Variants in DAZL observed in about 807,000 individuals in gnomAD.
The protein encoded by DAZL is deleted in azoospermia-like.
In DAZL, 4 loss-of-function variants were observed where a neutral mutation model predicts 45.0. The observed-to-expected ratio is 0.09, with a 90% CI of 0.04 to 0.20. The LOEUF (loss-of-function observed/expected upper bound fraction) is 0.20, where lower values mean the gene tolerates loss of function less well. DAZL is among the 10% of genes least tolerant of loss of function. The pLI is 1.00. For missense variants in DAZL, 326 were observed against 351.3 expected (o/e 0.93, Z 0.58); for synonymous variants, 122 against 112.4 (o/e 1.09, Z -0.54).
At chr3:16,597,968 A>T in intron 3 of DAZL, 119 bp downstream of exon 3, 1 of 1,110,546 alleles carries the variant, frequency 9.0e-7, no homozygotes, top group Non-Finnish European at 1.3e-6. Flanking sequence ...TTTATCCTCT[A>T]CATGAAAGAA....
rs376818653 is a variant in DAZL, at chr3:16,598,425, G to A, written c.150+27C>T. ...TCCCATTATTCATAATGCATTTCAAGGTAAAAATGAGGTATGAATACAATA... is the reference window on the plus strand; with the variant it reads ...TCCCATTATTCATAATGCATTTCAAAGTAAAAATGAGGTATGAATACAATA... On this transcript the variant is annotated intron_variant, in intron 2 of 10. Coordinates refer to ENST00000399444, the MANE Select transcript of DAZL (RefSeq NM_001351.4). The A allele has an allele frequency of 6.1e-5, 97 of 1,602,344 alleles. No individual in the cohort carries two copies. The African/African-American group carries it at 1.2e-3, about 20-fold the overall frequency.
chr3:16,597,623 A>C, intron 3 of DAZL, 82 bp from the exon 4 acceptor site: 1 of 853,180 alleles, frequency 1.2e-6, no homozygotes, highest in Non-Finnish European at 2.0e-6. Flanking sequence ...GGAAGTGATC[A>C]TGACTAAAAT....
intron 7 of DAZL, among the ~76,000 whole-genome samples, chr3:16,595,098 T>C (rs1451162579): frequency 6.6e-6 from 1 of 152,108 alleles, no homozygotes; most frequent in African/African-American, 2.4e-5. Context: ...CATAAAACTG[T>C]TGTAGAGAAA....
In DAZL at chr3:16,590,745, G is replaced by GA. The variant is rs577819637; in HGVS notation, c.834+1304dup. On this transcript the variant is annotated intron_variant, in intron 10 of 10. Transcript: ENST00000399444. Reference sequence around the variant, plus strand: ...GAACCTTGAAAATATTATGCTGACTGAAAAAACCGGTCACAAAAGGCCACA... The same window carrying GA: ...GAACCTTGAAAATATTATGCTGACTGAAAAAAACCGGTCACAAAAGGCCACA... Among the ~76,000 whole-genome samples the GA allele has an allele frequency of 7.2e-5, 11 of 152,258 alleles. 1 individual carries two copies. The East Asian group carries it at 1.2e-3, about 16-fold the overall frequency.
Position 16,593,684 on chromosome 3 carries a change from T to C in DAZL, c.706A>G (p.Thr236Ala). ...VPNECSVHEA[T>A]PPSGNGPQKK... ...TGTGGGCCATTTCCAGAGGGTGGAG[T>C]AGCTTCATGAACTGAACATTCATTT... Residue 236 changes from threonine to alanine, a missense_variant, in exon 9 of 11, where the codon ACT becomes GCT. By Grantham distance (58) the Thr-to-Ala change is moderately conservative. This residue lies in a region of DAZL where 227 missense variants were observed against 216.6 expected (regional missense o/e 1.05). Coordinates refer to ENST00000399444, the MANE Select transcript of DAZL (RefSeq NM_001351.4). The C allele has an allele frequency of 6.2e-7, 1 of 1,611,326 alleles. No individual in the cohort carries two copies. Among genetic ancestry groups the C allele is most frequent in the Non-Finnish European group, 8.5e-7 (1 of 1,178,416 alleles).
At chr3:16,596,575 A>C (rs548392961) in intron 6 of DAZL, among the ~76,000 whole-genome samples, 175 bp downstream of exon 6, 1 of 149,540 alleles carries the variant, frequency 6.7e-6, no homozygotes, top group Non-Finnish European at 1.5e-5. Context: ...TCTTTAGCTC[A>C]TATAAAGAAC....
intron 1 of DAZL, chr3:16,604,509 GT>G (rs1559406034): frequency 6.6e-7 from 1 of 1,516,164 alleles, no homozygotes; most frequent in South Asian, 1.2e-5. Context: ...CCATCAGCAA[GT>G]CCCCCGCAGC....
intron 10 of DAZL, 26 bp downstream of exon 10, chr3:16,592,024 A>G (rs751105278): frequency 7.3e-5 from 117 of 1,603,572 alleles, no homozygotes; most frequent in Non-Finnish European, 9.7e-5. Context: ...GTGCTTTTTA[A>G]TTGTGCGTAA....
Position 16,598,574 on chromosome 3 carries a change from T to G in DAZL, c.28A>C (p.Asn10His), listed in dbSNP as rs746468022. The G allele has an allele frequency of 3.2e-5, 51 of 1,599,154 alleles. No individual in the cohort carries two copies. The highest frequency in any genetic ancestry group is 1.0e-4 in the Admixed American group (6 of 59,940). Reference sequence around the variant, plus strand: ...CTGGCCTCTCTGGAGATGGTTGAGTTTGGAGTTTCAGGATTTGCAGTAGAC... The same window carrying G: ...CTGGCCTCTCTGGAGATGGTTGAGTGTGGAGTTTCAGGATTTGCAGTAGAC... MSTANPETPNSTISREASTQ... is the reference protein window; with the variant it reads MSTANPETPHSTISREASTQ... Residue 10 changes from asparagine to histidine, a missense_variant, in exon 2 of 11, where the codon AAC becomes CAC. By Grantham distance (68) the Asn-to-His change is moderately conservative. Around this residue, in one of 3 missense-constraint regions of DAZL, gnomAD observed 81 missense variants for 89.6 expected, o/e 0.90. Transcript: ENST00000399444.
At chr3:16,597,893 A>C (rs1466165951) in intron 3 of DAZL, among the ~76,000 whole-genome samples, 194 bp downstream of exon 3, 2 of 152,232 alleles carry the variant, frequency 1.3e-5, no homozygotes, top group Admixed American at 6.5e-5. Context: ...ATTTGTATGA[A>C]ATAAAGATTG....
chr3:16,599,471 T>C (rs1694650545), intron 1 of DAZL, among the ~76,000 whole-genome samples: 1 of 152,180 alleles, frequency 6.6e-6, no homozygotes, highest in African/African-American at 2.4e-5. Context: ...CATGGAAACA[T>C]TATTTGCTCA....
chr3:16,590,560 T>C (rs1007055962), intron 10 of DAZL, among the ~76,000 whole-genome samples: 6 of 152,228 alleles, frequency 3.9e-5, no homozygotes, highest in Admixed American at 2.0e-4. Context: ...TAAGAACATA[T>C]GTCCACGTAA....
intron 1 of DAZL, among the ~76,000 whole-genome samples, chr3:16,599,592 C>G (rs1468660276): frequency 6.6e-6 from 1 of 152,176 alleles, no homozygotes; most frequent in Non-Finnish European, 1.5e-5. Flanking sequence ...ATCAGTCCCA[C>G]TGATAATTCT....
chr3:16,604,449 C>A, intron 1 of DAZL: 1 of 1,531,894 alleles, frequency 6.5e-7, no homozygotes, highest in Non-Finnish European at 8.7e-7. Context: ...CCTCGTGCGG[C>A]AAAGATGGCG....
chr3:16,593,879 T>C lies in DAZL; in HGVS notation c.622-111A>G, dbSNP rs557327798. 48 of 663,626 alleles carry C rather than the reference T, an allele frequency of 7.2e-5. 1 individual carries two copies. In the South Asian group the frequency reaches 1.0e-3, roughly 14 times the overall value. 41.1% of individuals were successfully genotyped at this position (663,626 alleles called of 1,614,324 possible). A position where few individuals can be genotyped will look rare whatever the true frequency, so the allele number is the denominator to read the frequency against. ...TCAAAAGTTTCAATGTAGGTTGTGTTGAAATTCAATTATATTATTTCAAAA... is the reference window on the plus strand; with the variant it reads ...TCAAAAGTTTCAATGTAGGTTGTGTCGAAATTCAATTATATTATTTCAAAA... On this transcript the variant is annotated intron_variant, in intron 8 of 10. Coordinates refer to ENST00000399444, the MANE Select transcript of DAZL (RefSeq NM_001351.4).
chr3:16,593,884 T>A, intron 8 of DAZL, 116 bp from the exon 9 acceptor site: 1 of 642,588 alleles, frequency 1.6e-6, no homozygotes, highest in East Asian at 2.9e-5. Context: ...TGTGTTGAAA[T>A]TCAATTATAT....
rs748632383 is a variant in DAZL, at chr3:16,597,448, G to GTTT, written c.294+41_294+42insAAA. The GTTT allele has an allele frequency of 3.5e-5, 42 of 1,201,352 alleles. 1 individual carries two copies. In the East Asian group the frequency reaches 9.3e-4, roughly 27 times the overall value. The allele number at this position is 1,201,352 out of a possible 1,614,324, so 74.4% of individuals were successfully genotyped here. On this transcript the variant is annotated intron_variant, in intron 4 of 10. Coordinates refer to ENST00000399444, the MANE Select transcript of DAZL (RefSeq NM_001351.4). ...AGTATATCACTTGACACTAAACATT[G>GTTT]TATCAATTAAACAAATGAGATTTTT...
intron 4 of DAZL, 122 bp from the exon 5 acceptor site, chr3:16,597,173 C>G: frequency 8.3e-7 from 1 of 1,210,720 alleles, no homozygotes; most frequent in Non-Finnish European, 1.2e-6. Flanking sequence ...TAACTACACA[C>G]CAAATTAAAA....
At position 16,587,601 on chromosome 3, in the gene DAZL, T is replaced by C. The variant is rs1485580830; in HGVS notation, c.*1059A>G. ...AAGACACCAGCTAATCTAGAAACAA[T>C]GCTAACTTTTAACTCTAGCACATTC... On this transcript the variant is annotated 3_prime_UTR_variant, in exon 11 of 11. Transcript: ENST00000399444. The C allele has an allele frequency of 6.6e-6, 1 of 152,612 alleles. No homozygotes were observed. The highest frequency in any genetic ancestry group is 2.4e-5 in the African/African-American group (1 of 41,444). The allele number at this position is 152,612 out of a possible 1,614,324, so 9.5% of individuals were successfully genotyped here.
Sources: allele counts gnomAD v4.1 joint callset (sites outside exome capture counted in the v4.1 genomes callset), GRCh38; gene constraint gnomAD v4.1.1; regional missense constraint gnomAD v4.1.1; transcripts MANE v1.5; gene names NCBI Gene and HGNC (gene_info 2026-07-23, HGNC 2026-07-21).